GPC6: variants seen among roughly 807,000 people sequenced by gnomAD.
The protein encoded by GPC6 is glypican-6.
GPC6 carries 14 observed loss-of-function variants against 55.2 expected under a neutral mutation model. That is an observed-to-expected ratio of 0.25 (90% CI 0.17 to 0.40). GPC6 has a LOEUF of 0.40. Among genes scored for constraint, GPC6 ranks in the 10% least tolerant of loss-of-function variants. GPC6 has a pLI of 1.00. For missense variants in GPC6, 641 were observed against 708.5 expected (o/e 0.90, Z 1.08); for synonymous variants, 278 against 259.6 (o/e 1.07, Z -0.68).
At chr13:94,280,693 T>C (rs1272281462) in intron 4 of GPC6, among the ~76,000 whole-genome samples, 4 of 152,228 alleles carry the variant, frequency 2.6e-5, no homozygotes, top group African/African-American at 9.6e-5. Context: ...TTTTTTTAAA[T>C]TCTTTTGTAT....
chr13:93,464,485 C>T (rs562998224), intron 1 of GPC6, among the ~76,000 whole-genome samples: 7 of 152,268 alleles, frequency 4.6e-5, no homozygotes, highest in South Asian at 4.1e-4. Flanking sequence ...AGCAGGAGTG[C>T]GTTCCATCTC....
chr13:93,328,539 G>T (rs1300326332), intron 1 of GPC6, among the ~76,000 whole-genome samples: 1 of 151,990 alleles, frequency 6.6e-6, no homozygotes, highest in Non-Finnish European at 1.5e-5. Flanking sequence ...GCCTGGCGTG[G>T]TGGCATACAC....
chr13:93,343,125 C>G (rs1249883174), intron 1 of GPC6, among the ~76,000 whole-genome samples: 1 of 150,886 alleles, frequency 6.6e-6, no homozygotes, highest in Non-Finnish European at 1.5e-5. Flanking sequence ...AATGACAACC[C>G]CCGCCCCCCA....
chr13:94,185,258 GAAAA>G (rs759584811), intron 4 of GPC6, among the ~76,000 whole-genome samples: 1 of 56,498 alleles, frequency 1.8e-5, no homozygotes, highest in Non-Finnish European at 3.7e-5. Flanking sequence ...AATAAAAGTT[GAAAA>G]AAAAAAAAAA....
chr13:93,630,841 A>G (rs3899317), intron 2 of GPC6, among the ~76,000 whole-genome samples: 66,373 of 151,952 alleles, frequency 0.44, 15,639 homozygotes, highest in Middle Eastern at 0.63. Context: ...GTGTTCCCCC[A>G]AAATATTCAC....
At chr13:94,394,884 A>G (rs1880827801) in intron 7 of GPC6, among the ~76,000 whole-genome samples, 1 of 152,158 alleles carries the variant, frequency 6.6e-6, no homozygotes, top group Admixed American at 6.5e-5. Context: ...TTGTTCCTGG[A>G]TGTTCAGACT....
At chr13:93,367,596 T>C (rs1566320138) in intron 1 of GPC6, among the ~76,000 whole-genome samples, 1 of 152,084 alleles carries the variant, frequency 6.6e-6, no homozygotes, top group South Asian at 2.1e-4. Flanking sequence ...GTGTTTTAAC[T>C]GTGTGCCACA....
chr13:93,582,887 T>C (rs1433655715), intron 2 of GPC6, among the ~76,000 whole-genome samples: 2 of 152,224 alleles, frequency 1.3e-5, no homozygotes, highest in African/African-American at 4.8e-5. Context: ...CCCAAGCTTA[T>C]ACCTAGAGAC....
At chr13:93,489,412 C>G (rs1382155153) in intron 1 of GPC6, among the ~76,000 whole-genome samples, 1 of 151,412 alleles carries the variant, frequency 6.6e-6, no homozygotes, top group African/African-American at 2.4e-5. Context: ...TGTGATGCCT[C>G]CAGCTTTGTT....
rs144503226 is a variant in GPC6 at position 94,082,291 on chromosome 13, A to T, written c.877+54397A>T. On this transcript the variant is annotated intron_variant, in intron 4 of 8. Coordinates refer to ENST00000377047, the MANE Select transcript of GPC6 (RefSeq NM_005708.5). ...GTGTCTACTCAAAACCACAATTAAGACTTCCTACCTGGGTTCCTTCCACCA... is the reference window on the plus strand; with the variant it reads ...GTGTCTACTCAAAACCACAATTAAGTCTTCCTACCTGGGTTCCTTCCACCA... Among the ~76,000 whole-genome samples, 887 of 152,128 alleles carry T rather than the reference A, an allele frequency of 5.8e-3. 7 individuals carry two copies. The highest frequency in any genetic ancestry group is 0.021 in the African/African-American group (856 of 41,486).
intron 4 of GPC6, among the ~76,000 whole-genome samples, chr13:94,262,265 G>A (rs935987354): frequency 6.6e-6 from 1 of 151,880 alleles, no homozygotes; most frequent in African/African-American, 2.4e-5. Flanking sequence ...GTTGGGCAGC[G>A]GGTCTACACT....
At chr13:93,788,158 A>T (rs753866515) in intron 2 of GPC6, among the ~76,000 whole-genome samples, 3 of 152,180 alleles carry the variant, frequency 2.0e-5, no homozygotes, top group Non-Finnish European at 1.5e-5. Context: ...GAGGGTGGGA[A>T]GTCCAAGATC....
At chr13:93,318,688 G>A (rs981153757) in intron 1 of GPC6, among the ~76,000 whole-genome samples, 4 of 152,062 alleles carry the variant, frequency 2.6e-5, no homozygotes, top group Admixed American at 2.6e-4. Context: ...GCAGGGGGAG[G>A]TGCCAACAAG....
chr13:93,651,949 G>T (rs1386043715), intron 2 of GPC6, among the ~76,000 whole-genome samples: 1 of 152,150 alleles, frequency 6.6e-6, no homozygotes, highest in South Asian at 2.1e-4. Flanking sequence ...TGATTCCACT[G>T]TGCAGCCAGG....
chr13:93,343,532 G>GT (rs1362430171), intron 1 of GPC6, among the ~76,000 whole-genome samples: 1 of 152,162 alleles, frequency 6.6e-6, no homozygotes, highest in African/African-American at 2.4e-5. Flanking sequence ...TATTTAGATA[G>GT]TTTCAAAAGC....
At chr13:93,307,625 A>C (rs1341976590) in intron 1 of GPC6, among the ~76,000 whole-genome samples, 3 of 152,146 alleles carry the variant, frequency 2.0e-5, no homozygotes, top group African/African-American at 7.2e-5. Flanking sequence ...TACATATATG[A>C]TTGAGGATAG....
chr13:93,450,460 G>A (rs952143092), intron 1 of GPC6, among the ~76,000 whole-genome samples: 4 of 152,162 alleles, frequency 2.6e-5, no homozygotes, highest in African/African-American at 9.7e-5. Context: ...TATGAGTAAG[G>A]AAAGTTGTTG....
At chr13:94,306,344 G>A in intron 6 of GPC6, 1 of 632,958 alleles carries the variant, frequency 1.6e-6, no homozygotes, top group Non-Finnish European at 2.8e-6. Flanking sequence ...AACTATTAAT[G>A]CATGTATGCA....
chr13:94,349,954 C>T (rs1030923729), intron 6 of GPC6, among the ~76,000 whole-genome samples: 6 of 152,048 alleles, frequency 3.9e-5, no homozygotes, highest in Admixed American at 1.3e-4. Flanking sequence ...CCCAACAATT[C>T]GAGTTTGTTG....
Sources: gnomAD v4.1 joint callset for allele counts (sites outside exome capture counted in the v4.1 genomes callset) on GRCh38, gnomAD v4.1.1 for gene constraint, MANE v1.5 for transcripts, NCBI Gene and HGNC (gene_info 2026-07-23, HGNC 2026-07-21) for gene names.